The following L3HYPDH variants were observed in gnomAD, a reference collection of about 807,000 sequenced individuals.
L3HYPDH encodes trans-L-3-hydroxyproline dehydratase.
In L3HYPDH, 32 loss-of-function variants were observed where a neutral mutation model predicts 26.5. That is an observed-to-expected ratio of 1.21 (90% CI 0.91 to 1.62). The LOEUF is 1.62. L3HYPDH is among the 40% of genes most tolerant of loss of function. L3HYPDH has a pLI of 0.00. For missense variants in L3HYPDH, 554 were observed against 476.4 expected (o/e 1.16, Z -1.52); for synonymous variants, 215 against 196.6 (o/e 1.09, Z -0.78).
chr14:59,475,244 C>T (rs900615235), intron 4 of L3HYPDH: 8 of 151,872 alleles, frequency 5.3e-5, no homozygotes, highest in Admixed American at 4.6e-4. Flanking sequence ...GTTCTCAAAC[C>T]TTTTGGTCTT....
rs1890265308 is a variant in L3HYPDH, at chr14:59,483,927, C to T, written c.390G>A (p.Glu130=). 5 of 1,554,882 alleles carry T rather than the reference C, an allele frequency of 3.2e-6. No individual in the cohort carries two copies. Among genetic ancestry groups the T allele is most frequent in the Admixed American group, 1.9e-5 (1 of 53,390 alleles). Residue 130 remains glutamate, a synonymous_variant, in exon 1 of 5, where the codon GAG becomes GAA. Transcript: ENST00000247194. ...AGGGGCAGTGGATATTGACGCGGGC[C>T]TCGCGGGTGCCCGCAGGGGGCGCCG... ...LVPAPPAGTR[E]ARVNIHCPCG...
At chr14:59,500,447 G>A in the L3HYPDH span, among the ~76,000 whole-genome samples, 1 of 152,138 alleles carries the variant, frequency 6.6e-6, no homozygotes, top group Non-Finnish European at 1.5e-5. Context: ...AACATTTTAA[G>A]AGAAAAGTGG....
the L3HYPDH span, among the ~76,000 whole-genome samples, chr14:59,498,133 A>T: frequency 0.026 from 4,016 of 152,302 alleles, 80 homozygotes; most frequent in Non-Finnish European, 0.043. Context: ...CTGTTCCTTG[A>T]GATGATTCTG....
chr14:59,486,921 C>T (rs1890626042), upstream of L3HYPDH: 1 of 757,892 alleles, frequency 1.3e-6, no homozygotes, highest in East Asian at 2.7e-5. Context: ...ATATGGAGGA[C>T]CAGGCGCAGT....
chr14:59,491,542 T>C, the L3HYPDH span, among the ~76,000 whole-genome samples: 2 of 152,216 alleles, frequency 1.3e-5, no homozygotes, highest in Admixed American at 6.5e-5. Flanking sequence ...GTAATGTGAA[T>C]GTGTGTTTAT....
chr14:59,480,225 T>C (rs1030224063), intron 1 of L3HYPDH, among the ~76,000 whole-genome samples: 11 of 152,136 alleles, frequency 7.2e-5, no homozygotes. Context: ...AAGGGAGAAA[T>C]ATTTCTCCTA....
chr14:59,499,491 C>G, the L3HYPDH span, among the ~76,000 whole-genome samples: 1 of 151,972 alleles, frequency 6.6e-6, no homozygotes, highest in East Asian at 1.9e-4. Flanking sequence ...TTAATGTAAC[C>G]ATTAATTCAT....
chr14:59,476,163 T>C lies in L3HYPDH; in HGVS notation c.730A>G (p.Ile244Val), dbSNP rs377103490. The C allele has an allele frequency of 5.0e-6, 8 of 1,613,254 alleles. No individual in the cohort carries two copies. The highest frequency in any genetic ancestry group is 2.2e-5 in the East Asian group (1 of 44,870). ...TAAGCATCTTTTCCATCTGTTAATATAGTTCCATATAAAAAGGCAAGGTCT... is the reference window on the plus strand; with the variant it reads ...TAAGCATCTTTTCCATCTGTTAATACAGTTCCATATAAAAAGGCAAGGTCT... ...SEDLAFLYGT[I>V]LTDGKDAYTK... Residue 244 changes from isoleucine to valine, a missense_variant, in exon 3 of 5, where the codon ATA becomes GTA. Transcript: ENST00000247194.
chr14:59,470,924 G>C (rs1268884642), downstream of L3HYPDH, among the ~76,000 whole-genome samples: 1 of 127,732 alleles, frequency 7.8e-6, no homozygotes, highest in East Asian at 2.7e-4. Context: ...AAATACTTAA[G>C]AGAAGGAACC....
At chr14:59,493,998 T>G in the L3HYPDH span, among the ~76,000 whole-genome samples, 1 of 152,156 alleles carries the variant, frequency 6.6e-6, no homozygotes, top group South Asian at 2.1e-4. Flanking sequence ...CTGGGACAAC[T>G]GGCAATTCAA....
At chr14:59,499,034 T>TTTTC in the L3HYPDH span, 1 of 535,052 alleles carries the variant, frequency 1.9e-6, no homozygotes, top group Non-Finnish European at 3.0e-6. Flanking sequence ...TTTTTTTTTT[T>TTTTC]TTTTTTTTGT....
upstream of L3HYPDH, chr14:59,484,957 A>G (rs1449530759): frequency 3.3e-6 from 5 of 1,523,626 alleles, no homozygotes; most frequent in Non-Finnish European, 4.4e-6. Flanking sequence ...AAGTTGCTGC[A>G]TAATTTGTCT....
downstream of L3HYPDH, among the ~76,000 whole-genome samples, chr14:59,470,052 T>C (rs1889274727): frequency 6.6e-6 from 1 of 152,104 alleles, no homozygotes; most frequent in Admixed American, 6.5e-5. Flanking sequence ...AAATCAGCTG[T>C]TTTATGTTTT....
chr14:59,480,971 C>T (rs1310453580), intron 1 of L3HYPDH, among the ~76,000 whole-genome samples: 3 of 152,150 alleles, frequency 2.0e-5, no homozygotes, highest in Non-Finnish European at 4.4e-5. Context: ...GCCCTCTTCC[C>T]TTGATTGTAA....
chr14:59,470,465 G>C (rs1889281964), downstream of L3HYPDH, among the ~76,000 whole-genome samples: 1 of 152,192 alleles, frequency 6.6e-6, no homozygotes, highest in African/African-American at 2.4e-5. Flanking sequence ...GGAGGACTTG[G>C]AGCAAAGTGC....
chr14:59,499,943 G>A, the L3HYPDH span, among the ~76,000 whole-genome samples: 2 of 152,118 alleles, frequency 1.3e-5, no homozygotes, highest in African/African-American at 4.8e-5. Flanking sequence ...TGCCATTCTT[G>A]CTCTAGGGAA....
downstream of L3HYPDH, among the ~76,000 whole-genome samples, chr14:59,471,905 G>GT (rs1351755320): frequency 7.2e-5 from 11 of 152,158 alleles, no homozygotes; most frequent in East Asian, 2.1e-3. Flanking sequence ...AAAACATCCT[G>GT]TTTTTGTGTA....
chr14:59,473,386 A>G (rs1365636859), intron 4 of L3HYPDH, among the ~76,000 whole-genome samples: 1 of 152,212 alleles, frequency 6.6e-6, no homozygotes, highest in African/African-American at 2.4e-5. Context: ...TTCAGTGAAG[A>G]TGGAGAAGGG....
At chr14:59,467,134 T>C (rs1312734201) in intron 1 of L3HYPDH, among the ~76,000 whole-genome samples, 1 of 151,856 alleles carries the variant, frequency 6.6e-6, no homozygotes, top group Non-Finnish European at 1.5e-5. Context: ...GTGTGCTAAA[T>C]ATTGTCTTAA....
Sources: gnomAD v4.1 joint callset for allele counts (sites outside exome capture counted in the v4.1 genomes callset) on GRCh38, gnomAD v4.1.1 for gene constraint, MANE v1.5 for transcripts, NCBI Gene and HGNC (gene_info 2026-07-23, HGNC 2026-07-21) for gene names.